SLC1A2: variants seen among roughly 807,000 people sequenced by gnomAD.
SLC1A2 encodes excitatory amino acid transporter 2.
Under a neutral mutation model 48.8 loss-of-function variants are expected in SLC1A2, and 15 were observed. The observed-to-expected ratio is 0.31, with a 90% CI of 0.21 to 0.47. SLC1A2 has a LOEUF of 0.47. SLC1A2 is among the 20% of genes least tolerant of loss of function. The pLI, the probability that SLC1A2 is intolerant of heterozygous loss-of-function variation, is 0.99. For synonymous variants in SLC1A2, 279 were observed against 272.6 expected, an observed-to-expected ratio of 1.02 and a Z score of -0.23; for missense variants, 502 against 730.5, an observed-to-expected ratio of 0.69 and a Z score of 3.61.
intron 1 of SLC1A2, among the ~76,000 whole-genome samples, chr11:35,333,137 G>A (rs1852484216): frequency 6.6e-6 from 1 of 152,148 alleles, no homozygotes. Flanking sequence ...CAGTGAGGGG[G>A]CACAGTGGCT....
At chr11:35,320,579 G>A (rs779686849) in intron 1 of SLC1A2, among the ~76,000 whole-genome samples, 22 of 152,218 alleles carry the variant, frequency 1.4e-4, no homozygotes, top group Non-Finnish European at 3.1e-4. Flanking sequence ...CCCCAGGAGG[G>A]CAAGATTGTG....
chr11:35,274,575 G>GTGTGCA (rs954549792), intron 9 of SLC1A2, among the ~76,000 whole-genome samples: 23 of 152,184 alleles, frequency 1.5e-4, no homozygotes, highest in Non-Finnish European at 2.4e-4. Context: ...GTGTGTGTGT[G>GTGTGCA]TGTGCATGTG....
intron 1 of SLC1A2, among the ~76,000 whole-genome samples, chr11:35,382,539 T>C (rs952536709): frequency 6.6e-6 from 1 of 152,240 alleles, no homozygotes; most frequent in Non-Finnish European, 1.5e-5. Flanking sequence ...CTCACGCCTA[T>C]AATCCCAGCA....
intron 1 of SLC1A2, among the ~76,000 whole-genome samples, chr11:35,399,961 G>T (rs544403876): frequency 6.6e-6 from 1 of 152,308 alleles, no homozygotes; most frequent in South Asian, 2.1e-4. Flanking sequence ...GCCTAAACCT[G>T]GCTGAAGATT....
intron 1 of SLC1A2, among the ~76,000 whole-genome samples, chr11:35,320,339 T>C (rs1852015731): frequency 6.6e-6 from 1 of 152,220 alleles, no homozygotes; most frequent in South Asian, 2.1e-4. Context: ...AAAGAGCCTT[T>C]ACTCAGAGAG....
chr11:35,256,057 G>T lies in SLC1A2; in HGVS notation c.*4837C>A, dbSNP rs1019226104. ...ATAATACATTGGGCTCATAGGGCTGGAAGGGGATTTTAGTCATTTAATCCA... is the reference window on the plus strand; with the variant it reads ...ATAATACATTGGGCTCATAGGGCTGTAAGGGGATTTTAGTCATTTAATCCA... On this transcript the variant is annotated 3_prime_UTR_variant, in exon 11 of 11. Coordinates refer to ENST00000278379, the MANE Select transcript of SLC1A2 (RefSeq NM_004171.4). 1.8e-4 allele frequency: 28 copies of T among 152,218 alleles called. No homozygotes were observed. The highest frequency in any genetic ancestry group is 6.8e-4 in the African/African-American group (28 of 41,456). The allele number at this position is 152,218 out of a possible 1,614,324, so 9.4% of individuals were successfully genotyped here. A position where few individuals can be genotyped will look rare whatever the true frequency, so the allele number is the denominator to read the frequency against.
intron 8 of SLC1A2, among the ~76,000 whole-genome samples, chr11:35,283,604 C>G (rs1017887253): frequency 6.6e-6 from 1 of 152,170 alleles, no homozygotes; most frequent in Non-Finnish European, 1.5e-5. Context: ...ATTCTCCCAT[C>G]TGTAAGTTCC....
chr11:35,275,770 A>G (rs771238388), intron 9 of SLC1A2, among the ~76,000 whole-genome samples: 22 of 152,214 alleles, frequency 1.4e-4, no homozygotes, highest in Non-Finnish European at 2.6e-4. Flanking sequence ...AACCTTGGCT[A>G]AAGAGGTGAA....
upstream of SLC1A2, chr11:35,420,153 T>TTC (rs1272516020): frequency 5.2e-6 from 1 of 191,372 alleles, no homozygotes; most frequent in Non-Finnish European, 1.1e-5. Flanking sequence ...TTTTTTTTTT[T>TTC]AGGCCGAGAG....
chr11:35,285,443 C>G (rs1850785645), intron 8 of SLC1A2: 1 of 152,238 alleles, frequency 6.6e-6, no homozygotes, highest in African/African-American at 2.4e-5. Flanking sequence ...ATTCCAGTGT[C>G]TACCTCATTC....
chr11:35,396,749 G>C (rs1854973394), intron 1 of SLC1A2, among the ~76,000 whole-genome samples: 1 of 152,056 alleles, frequency 6.6e-6, no homozygotes, highest in African/African-American at 2.4e-5. Flanking sequence ...TGAAGTCCTT[G>C]CCCATGCCTA....
At chr11:35,389,230 T>C (rs1854682481) in intron 1 of SLC1A2, among the ~76,000 whole-genome samples, 1 of 152,178 alleles carries the variant, frequency 6.6e-6, no homozygotes, top group Non-Finnish European at 1.5e-5. Flanking sequence ...ATTTCATATA[T>C]TCAAATATTC....
intron 6 of SLC1A2, chr11:35,299,108 G>A (rs1851261556): frequency 6.6e-6 from 1 of 152,216 alleles, no homozygotes; most frequent in Non-Finnish European, 1.5e-5. Flanking sequence ...GGGAGGCCAA[G>A]GCAGGCGGAT....
In SLC1A2 at chr11:35,376,922, C is replaced by T. The variant is rs367556105; in HGVS notation, c.17+42028G>A. ...AAGCTGCTAGGAAAAGCCTGGATCA[C>T]TTGGAGGTTGAAGGTCATTTTGTAG... On this transcript the variant is annotated intron_variant, in intron 1 of 10. Coordinates refer to ENST00000278379, the MANE Select transcript of SLC1A2 (RefSeq NM_004171.4). Among the ~76,000 whole-genome samples the T allele has an allele frequency of 8.5e-5, 13 of 152,312 alleles. No individual in the cohort carries two copies. The East Asian group carries it at 1.5e-3, about 18-fold the overall frequency.
intron 6 of SLC1A2, 41 bp from the exon 7 acceptor site, chr11:35,292,561 T>C (rs760138905): frequency 2.2e-6 from 3 of 1,336,088 alleles, no homozygotes; most frequent in Admixed American, 1.7e-5. Flanking sequence ...GAAGAGATCA[T>C]TAGGGATTCA....
At chr11:35,287,778 G>A (rs896240061) in intron 7 of SLC1A2, among the ~76,000 whole-genome samples, 1 of 152,200 alleles carries the variant, frequency 6.6e-6, no homozygotes, top group Non-Finnish European at 1.5e-5. Context: ...GGTTGCTAAA[G>A]GCCAGAATAT....
chr11:35,278,981 T>A (rs1482559811), intron 9 of SLC1A2, among the ~76,000 whole-genome samples: 3 of 152,066 alleles, frequency 2.0e-5, no homozygotes, highest in Admixed American at 2.0e-4. Context: ...ATCGCACCAC[T>A]GCACTCCATC....
intron 4 of SLC1A2, among the ~76,000 whole-genome samples, chr11:35,310,536 C>T (rs1427077077): frequency 6.6e-6 from 1 of 152,186 alleles, no homozygotes; most frequent in African/African-American, 2.4e-5. Context: ...GGAACATATC[C>T]CAACCCAGAG....
At chr11:35,383,722 A>G (rs1854503417) in intron 1 of SLC1A2, among the ~76,000 whole-genome samples, 1 of 152,196 alleles carries the variant, frequency 6.6e-6, no homozygotes, top group Non-Finnish European at 1.5e-5. Context: ...TATGGAATGA[A>G]CCACCCAAGA....
Sources: gnomAD v4.1 joint callset for allele counts (sites outside exome capture counted in the v4.1 genomes callset) on GRCh38, gnomAD v4.1.1 for gene constraint, MANE v1.5 for transcripts, NCBI Gene and HGNC (gene_info 2026-07-23, HGNC 2026-07-21) for gene names.